PCDHA1: variants seen among roughly 807,000 people sequenced by gnomAD.
The protein encoded by PCDHA1 is protocadherin alpha-1.
Under a neutral mutation model 61.3 loss-of-function variants are expected in PCDHA1, and 42 were observed. The ratio of observed to expected loss-of-function variants is 0.69; its 90% confidence interval spans 0.54 to 0.89. The LOEUF (loss-of-function observed/expected upper bound fraction) is 0.89. PCDHA1 is among the 40% of genes least tolerant of loss of function. PCDHA1 has a pLI of 0.00. For synonymous variants in PCDHA1, 610 were observed against 553.8 expected (o/e 1.10, Z -1.43); for missense variants, 1,256 against 1,235.3 (o/e 1.02, Z -0.25).
At chr5:140,801,196 C>T (rs782169201) in intron 1 of PCDHA1, 2 of 1,589,684 alleles carry the variant, frequency 1.3e-6, no homozygotes, top group South Asian at 2.3e-5. Flanking sequence ...AAAATACTTG[C>T]AATGTTGTTC....
intron 1 of PCDHA1, among the ~76,000 whole-genome samples, chr5:140,905,575 G>A (rs1233481804): frequency 6.6e-6 from 1 of 152,138 alleles, no homozygotes; most frequent in Non-Finnish European, 1.5e-5. Flanking sequence ...TGTGAAGAAT[G>A]ATAATGATAT....
intron 1 of PCDHA1, chr5:140,829,486 G>A (rs1305629436): frequency 1.9e-6 from 3 of 1,613,648 alleles, no homozygotes; most frequent in Non-Finnish European, 2.5e-6. Flanking sequence ...TGTTCGTGAA[G>A]GAGAACAACC....
intron 1 of PCDHA1, among the ~76,000 whole-genome samples, chr5:140,902,664 A>G (rs2069638514): frequency 6.6e-6 from 1 of 152,128 alleles, no homozygotes. Context: ...CTGTCACCCA[A>G]GCAGTGTACA....
rs1761408498 is a variant in PCDHA1 at position 140,787,862 on chromosome 5, C to T, written c.1572C>T (p.Asp524=). Residue 524 remains aspartate (D), a synonymous_variant, in exon 1 of 4, where the codon GAC becomes GAT. Coordinates refer to ENST00000504120, the MANE Select transcript of PCDHA1 (RefSeq NM_018900.4). ...SGKVYALQPL[D]HEELELLQFQ... ...AGGTGTACGCACTGCAGCCCCTGGA[C>T]CACGAGGAGCTGGAGCTGCTGCAGT... The T allele has an allele frequency of 6.2e-7, 1 of 1,612,866 alleles. No homozygotes were observed. The highest frequency in any genetic ancestry group is 1.3e-5 in the African/African-American group (1 of 74,878).
At chr5:140,967,135 G>A in intron 1 of PCDHA1, 1 of 1,611,752 alleles carries the variant, frequency 6.2e-7, no homozygotes, top group South Asian at 1.1e-5. Context: ...GCTTGGAAGT[G>A]CTGGCGCACA....
At chr5:140,842,538 C>T (rs1554139153) in intron 1 of PCDHA1, 6 of 1,611,596 alleles carry the variant, frequency 3.7e-6, no homozygotes, top group South Asian at 1.1e-5. Context: ...AATTACTACT[C>T]GTTGGTGCTG....
chr5:140,849,581 C>T lies in PCDHA1; in HGVS notation c.2394+60897C>T. The T allele has an allele frequency of 3.1e-6, 5 of 1,598,698 alleles. 1 individual carries two copies. Among genetic ancestry groups the T allele is most frequent in the Non-Finnish European group, 4.3e-6 (5 of 1,167,986 alleles). On this transcript the variant is annotated intron_variant, in intron 1 of 3. Transcript: ENST00000504120. ...CGCTCTCGGTTCCTGTAAAAGAGGA[C>T]GCACAACTGGGGACAGTTATTGCCC...
At chr5:140,836,078 G>C (rs1179241173) in intron 1 of PCDHA1, 4 of 1,613,554 alleles carry the variant, frequency 2.5e-6, no homozygotes, top group Non-Finnish European at 3.4e-6. Context: ...CGCCGGCACT[G>C]CTGGCGCCTC....
At position 140,851,036 on chromosome 5, in the gene PCDHA1, T is replaced by A; in HGVS notation, c.2394+62352T>A. On this transcript the variant is annotated intron_variant, in intron 1 of 3. Coordinates refer to ENST00000504120, the MANE Select transcript of PCDHA1 (RefSeq NM_018900.4). ...TTCTGATAAAGTAAACCCCTTAACA[T>A]TGGAGCCGACTTTGTCTTGACTTCT... 2 of 1,401,900 alleles carry A rather than the reference T, an allele frequency of 1.4e-6. 1 individual carries two copies. The highest frequency in any genetic ancestry group is 1.9e-6 in the Non-Finnish European group (2 of 1,068,406). The allele number at this position is 1,401,900 out of a possible 1,614,324, so 86.8% of individuals were successfully genotyped here.
At chr5:140,941,023 T>C (rs2153648150) in intron 1 of PCDHA1, among the ~76,000 whole-genome samples, 1 of 152,338 alleles carries the variant, frequency 6.6e-6, no homozygotes, top group African/African-American at 2.4e-5. Flanking sequence ...ATTTTCCTTC[T>C]GGCCTTTTTG....
chr5:140,965,924 C>A (rs548082207), intron 1 of PCDHA1, among the ~76,000 whole-genome samples: 1 of 152,212 alleles, frequency 6.6e-6, no homozygotes, highest in Non-Finnish European at 1.5e-5. Context: ...TTTAGGCTTG[C>A]TCCCGGAAAG....
intron 1 of PCDHA1, chr5:140,927,063 C>T: frequency 6.2e-7 from 1 of 1,611,332 alleles, no homozygotes; most frequent in Non-Finnish European, 8.5e-7. Flanking sequence ...ACTTTCGCTT[C>T]CTTTCCAGCC....
intron 1 of PCDHA1, chr5:140,882,431 G>A (rs374040153): frequency 1.2e-6 from 2 of 1,614,044 alleles, no homozygotes; most frequent in Non-Finnish European, 8.5e-7. Flanking sequence ...CCTGGGGCTG[G>A]AGCTGGCGGA....
At chr5:140,833,341 A>G (rs1049850586) in intron 1 of PCDHA1, among the ~76,000 whole-genome samples, 8 of 152,226 alleles carry the variant, frequency 5.3e-5, no homozygotes, top group African/African-American at 1.9e-4. Context: ...GGAGTGAAAC[A>G]TTCCAGAAAA....
At chr5:140,996,987 A>G (rs1554255592) in intron 3 of PCDHA1, among the ~76,000 whole-genome samples, 1 of 152,134 alleles carries the variant, frequency 6.6e-6, no homozygotes, top group African/African-American at 2.4e-5. Context: ...TGAAGCAACC[A>G]CTGTTAACAA....
intron 1 of PCDHA1, among the ~76,000 whole-genome samples, chr5:140,840,393 T>C (rs1266640597): frequency 6.6e-6 from 1 of 151,926 alleles, no homozygotes; most frequent in African/African-American, 2.4e-5. Flanking sequence ...GTTGCAGATA[T>C]GGAGTTAAGA....
intron 1 of PCDHA1, among the ~76,000 whole-genome samples, chr5:140,919,231 CT>C (rs2079047316): frequency 6.6e-6 from 1 of 152,160 alleles, no homozygotes; most frequent in African/African-American, 2.4e-5. Context: ...TCTAGTAACA[CT>C]TTTTGTCTTG....
intron 3 of PCDHA1, among the ~76,000 whole-genome samples, chr5:140,982,794 CAT>C (rs1491349118): frequency 4.0e-5 from 6 of 150,946 alleles, no homozygotes; most frequent in Admixed American, 1.3e-4. Context: ...CGCATGTGTG[CAT>C]GTGTGTGTGT....
In PCDHA1 at chr5:141,010,049, C is replaced by G. The variant is rs1554262651; in HGVS notation, c.*112C>G. 7 of 1,597,692 alleles carry G rather than the reference C, an allele frequency of 4.4e-6. No individual in the cohort carries two copies. The highest frequency in any genetic ancestry group is 1.3e-5 in the African/African-American group (1 of 74,172). On this transcript the variant is annotated 3_prime_UTR_variant, in exon 4 of 4. Coordinates refer to ENST00000504120, the MANE Select transcript of PCDHA1 (RefSeq NM_018900.4). ...TATCTACATGAGCCCTCTTAGAGAC[C>G]TCAGAAATCTGCAGAAAGTTCCCTG...
Sources: allele counts gnomAD v4.1 joint callset (sites outside exome capture counted in the v4.1 genomes callset), GRCh38; gene constraint gnomAD v4.1.1; transcripts MANE v1.5; gene names NCBI Gene and HGNC (gene_info 2026-07-23, HGNC 2026-07-21).